The following TLL1 variants were observed in gnomAD, a reference collection of about 807,000 sequenced individuals.
TLL1 encodes tolloid-like protein 1.
A neutral mutation model predicts 128.2 loss-of-function variants in TLL1; 49 were observed. The observed-to-expected ratio is 0.38, with a 90% CI of 0.30 to 0.48. The LOEUF (loss-of-function observed/expected upper bound fraction) is 0.48. Ranked by LOEUF, TLL1 falls within the 20% of genes least tolerant of loss-of-function variation. The pLI is 0.96. For missense variants in TLL1, 1,123 were observed against 1,242.0 expected, an observed-to-expected ratio of 0.90 and a Z score of 1.44; for synonymous variants, 454 against 418.8, an observed-to-expected ratio of 1.08 and a Z score of -1.03.
Position 166,027,404 on chromosome 4 carries a change from A to G in TLL1, c.1158+1973A>G, listed in dbSNP as rs116948307. Among the ~76,000 whole-genome samples, 504 of 152,276 alleles carry G rather than the reference A, an allele frequency of 3.3e-3. 10 individuals carry two copies. In the East Asian group the frequency reaches 0.035, roughly 11 times the overall value. On this transcript the variant is annotated intron_variant, in intron 9 of 20. Transcript: ENST00000061240. Reference sequence around the variant, plus strand: ...GTTTGATGTTCTTGATGATAACTGAATGGTATTAGGAGATAATCATGGGTA... The same window carrying G: ...GTTTGATGTTCTTGATGATAACTGAGTGGTATTAGGAGATAATCATGGGTA...
At chr4:165,884,256 A>G (rs1353023453) in intron 1 of TLL1, among the ~76,000 whole-genome samples, 5 of 152,206 alleles carry the variant, frequency 3.3e-5, no homozygotes, top group African/African-American at 4.8e-5. Flanking sequence ...ATGCTAAGTT[A>G]TTTTAATTTA....
intron 1 of TLL1, among the ~76,000 whole-genome samples, chr4:165,978,832 C>A (rs1257436998): frequency 6.6e-6 from 1 of 152,152 alleles, no homozygotes; most frequent in African/African-American, 2.4e-5. Flanking sequence ...TATTCCTGTC[C>A]CCCTGCCCAT....
chr4:165,984,697 A>T (rs144377007), intron 1 of TLL1, among the ~76,000 whole-genome samples: 12 of 152,124 alleles, frequency 7.9e-5, no homozygotes, highest in African/African-American at 2.6e-4. Flanking sequence ...AAATCTCAAG[A>T]TAATGAATCT....
chr4:166,083,583 C>T lies in TLL1; in HGVS notation c.2442+5553C>T, dbSNP rs1741380366. ...AGCCTTTGGTCAACACCATTCAACT[C>T]TCTGCTTCTTTAAGTTTGATCATTT... On this transcript the variant is annotated intron_variant, in intron 18 of 20. Coordinates refer to ENST00000061240, the MANE Select transcript of TLL1 (RefSeq NM_012464.5). Among the ~76,000 whole-genome samples the T allele has an allele frequency of 1.6e-5, 2 of 123,142 alleles. 1 individual carries two copies. The allele number at this position is 123,142 out of a possible 152,430, so 80.8% of individuals were successfully genotyped here. A position where few individuals can be genotyped will look rare whatever the true frequency, so the allele number is the denominator to read the frequency against.
intron 2 of TLL1, 112 bp from the exon 3 acceptor site, chr4:165,992,692 T>G: frequency 1.0e-6 from 1 of 972,292 alleles, no homozygotes; most frequent in Non-Finnish European, 1.6e-6. Flanking sequence ...TTCAACACTT[T>G]AAGACCACAT....
intron 1 of TLL1, among the ~76,000 whole-genome samples, chr4:165,910,322 C>G (rs1579474209): frequency 6.6e-6 from 1 of 152,096 alleles, no homozygotes; most frequent in Non-Finnish European, 1.5e-5. Flanking sequence ...TTTTTACTTT[C>G]CTCTTCATTA....
intron 9 of TLL1, chr4:166,031,051 C>T: frequency 6.8e-6 from 6 of 879,774 alleles, no homozygotes; most frequent in Non-Finnish European, 8.2e-6. Context: ...AAGTTAATAC[C>T]CATGTAAAAT....
chr4:165,893,224 G>A (rs893084756), intron 1 of TLL1, among the ~76,000 whole-genome samples: 1 of 152,158 alleles, frequency 6.6e-6, no homozygotes, highest in Non-Finnish European at 1.5e-5. Flanking sequence ...TTCTGTACAG[G>A]ATGGAGTAAC....
intron 1 of TLL1, among the ~76,000 whole-genome samples, chr4:165,905,919 G>A (rs1187276502): frequency 6.6e-6 from 1 of 152,102 alleles, no homozygotes; most frequent in Non-Finnish European, 1.5e-5. Context: ...TGCTGAGGCA[G>A]ATACCATCAT....
chr4:165,989,901 GA>G (rs1736560393), intron 2 of TLL1, among the ~76,000 whole-genome samples: 1 of 151,770 alleles, frequency 6.6e-6, no homozygotes, highest in Non-Finnish European at 1.5e-5. Context: ...AAAAAAGCTT[GA>G]TTTTGTCCTC....
At chr4:166,066,516 C>G (rs969289055) in intron 16 of TLL1, among the ~76,000 whole-genome samples, 3 of 151,698 alleles carry the variant, frequency 2.0e-5, no homozygotes, top group Non-Finnish European at 4.4e-5. Flanking sequence ...GATAAAATTG[C>G]AATAAACCTT....
chr4:166,026,108 T>C (rs536837760), intron 9 of TLL1, among the ~76,000 whole-genome samples: 273 of 152,184 alleles, frequency 1.8e-3, no homozygotes, highest in African/African-American at 6.1e-3. Flanking sequence ...AGGAAATGGG[T>C]CAGGCGAGGT....
intron 1 of TLL1, among the ~76,000 whole-genome samples, chr4:165,954,259 T>C (rs540633780): frequency 2.6e-5 from 4 of 152,242 alleles, no homozygotes; most frequent in Admixed American, 1.3e-4. Flanking sequence ...ATTGACTATT[T>C]GTCTGAAATA....
chr4:165,882,907 G>A (rs1019460946), intron 1 of TLL1, among the ~76,000 whole-genome samples: 3 of 151,888 alleles, frequency 2.0e-5, no homozygotes, highest in African/African-American at 4.8e-5. Flanking sequence ...GCAGTTTGCT[G>A]GGTGAACTCC....
At chr4:165,949,454 A>G (rs1187300149) in intron 1 of TLL1, among the ~76,000 whole-genome samples, 2 of 152,130 alleles carry the variant, frequency 1.3e-5, no homozygotes, top group Non-Finnish European at 2.9e-5. Flanking sequence ...GAAATAATAA[A>G]TGAGTATTGT....
intron 1 of TLL1, among the ~76,000 whole-genome samples, chr4:165,906,242 A>G (rs184430939): frequency 2.6e-4 from 40 of 152,342 alleles, no homozygotes; most frequent in Admixed American, 1.9e-3. Flanking sequence ...ATGCATGTTA[A>G]CCTCTTAGTT....
chr4:165,874,965 GCGGCTCGTGTC>G (rs1406406793), intron 1 of TLL1: 4 of 152,378 alleles, frequency 2.6e-5, no homozygotes, highest in Non-Finnish European at 5.9e-5. Flanking sequence ...AGCACTGGCC[GCGGCTCGTGTC>G]CGGGCTTCGG....
intron 1 of TLL1, among the ~76,000 whole-genome samples, chr4:165,968,820 T>C (rs1250368588): frequency 6.6e-6 from 1 of 152,218 alleles, no homozygotes; most frequent in South Asian, 2.1e-4. Context: ...CATTCTGTGA[T>C]TGTAGCAATA....
At chr4:165,928,910 C>T (rs1286291021) in intron 1 of TLL1, among the ~76,000 whole-genome samples, 26 of 152,124 alleles carry the variant, frequency 1.7e-4, no homozygotes, top group Admixed American at 1.7e-3. Flanking sequence ...TTTTTTTCCT[C>T]ATCAAATTCT....
Sources: gnomAD v4.1 joint callset for allele counts (sites outside exome capture counted in the v4.1 genomes callset) on GRCh38, gnomAD v4.1.1 for gene constraint, MANE v1.5 for transcripts, NCBI Gene and HGNC (gene_info 2026-07-23, HGNC 2026-07-21) for gene names.